Variants in TRIO observed in about 807,000 individuals in gnomAD.
The protein encoded by TRIO is trio Rho guanine nucleotide exchange factor.
A neutral mutation model predicts 351.9 loss-of-function variants in TRIO; 58 were observed. The observed-to-expected ratio is 0.16, with a 90% CI of 0.13 to 0.21. TRIO has a LOEUF of 0.21. Among genes scored for constraint, TRIO ranks in the 10% least tolerant of loss-of-function variants. The pLI is 1.00. For missense variants in TRIO, 3,201 were observed against 4,027.8 expected (o/e 0.79, Z 5.56); for synonymous variants, 1,758 against 1,595.7 (o/e 1.10, Z -2.42).
chr5:14,277,509 T>G (rs144522898), intron 2 of TRIO, among the ~76,000 whole-genome samples: 2 of 152,298 alleles, frequency 1.3e-5, no homozygotes, highest in African/African-American at 4.8e-5. Flanking sequence ...TGATTTCCTA[T>G]CTATAAAATG....
intron 1 of TRIO, among the ~76,000 whole-genome samples, chr5:14,230,120 C>CAAATATATGG (rs1372594596): frequency 6.6e-6 from 1 of 152,164 alleles, no homozygotes; most frequent in Admixed American, 6.5e-5. Context: ...ATATTATGAG[C>CAAATATATGG]CACTTTGCCA....
intron 46 of TRIO, among the ~76,000 whole-genome samples, chr5:14,483,989 A>C (rs1054708588): frequency 2.6e-5 from 4 of 151,700 alleles, no homozygotes; most frequent in African/African-American, 9.7e-5. Context: ...TGCAGCCATC[A>C]TCTGAACTAC....
chr5:14,210,702 C>A (rs1200970224), intron 1 of TRIO, among the ~76,000 whole-genome samples: 1 of 152,062 alleles, frequency 6.6e-6, no homozygotes, highest in Non-Finnish European at 1.5e-5. Flanking sequence ...TCATAGATAT[C>A]ACCCTTATTT....
chr5:14,254,889 C>T (rs1280419791), intron 1 of TRIO, among the ~76,000 whole-genome samples: 1 of 152,160 alleles, frequency 6.6e-6, no homozygotes, highest in East Asian at 1.9e-4. Context: ...TTGGCACTTA[C>T]TTGTAGGGAA....
chr5:14,433,749 T>C (rs1210404648), intron 34 of TRIO, among the ~76,000 whole-genome samples: 1 of 152,222 alleles, frequency 6.6e-6, no homozygotes, highest in Admixed American at 6.5e-5. Context: ...GAGGAAATTA[T>C]AATATTCCTA....
chr5:14,329,076 C>T (rs1286874982), intron 9 of TRIO, among the ~76,000 whole-genome samples: 1 of 152,224 alleles, frequency 6.6e-6, no homozygotes, highest in Non-Finnish European at 1.5e-5. Flanking sequence ...CTGATACTCA[C>T]CAGCTGCTGC....
intron 19 of TRIO, among the ~76,000 whole-genome samples, chr5:14,376,413 T>C (rs975235976): frequency 6.6e-6 from 1 of 152,218 alleles, no homozygotes; most frequent in African/African-American, 2.4e-5. Flanking sequence ...GTCAAGGCTT[T>C]TGTGCAACCT....
intron 11 of TRIO, among the ~76,000 whole-genome samples, chr5:14,339,186 G>A (rs2152321240): frequency 6.6e-6 from 1 of 151,738 alleles, no homozygotes; most frequent in Non-Finnish European, 1.5e-5. Flanking sequence ...GCAGTGAGCC[G>A]AGATCACACC....
chr5:14,229,200 G>T (rs1343763629), intron 1 of TRIO, among the ~76,000 whole-genome samples: 2 of 151,886 alleles, frequency 1.3e-5, no homozygotes, highest in East Asian at 3.8e-4. Flanking sequence ...CTAGAACAGG[G>T]TATGTCTGAT....
At chr5:14,277,417 A>T (rs1264397826) in intron 2 of TRIO, among the ~76,000 whole-genome samples, 1 of 152,270 alleles carries the variant, frequency 6.6e-6, no homozygotes, top group African/African-American at 2.4e-5. Flanking sequence ...GGTTACAGAC[A>T]TGAAAAGCTT....
intron 34 of TRIO, among the ~76,000 whole-genome samples, chr5:14,440,213 A>G (rs376111952): frequency 5.3e-5 from 8 of 152,264 alleles, no homozygotes; most frequent in Admixed American, 5.2e-4. Context: ...AACAAAGAAC[A>G]CTTCCTCAAA....
intron 1 of TRIO, among the ~76,000 whole-genome samples, chr5:14,170,508 CTTT>C (rs3994019): frequency 6.8e-4 from 91 of 133,716 alleles, no homozygotes; most frequent in Middle Eastern, 4.0e-3. Context: ...GCTTCTCTCT[CTTT>C]TTTTTTTTTT....
chr5:14,488,669 T>G (rs1034066648), intron 48 of TRIO: 2 of 538,702 alleles, frequency 3.7e-6, no homozygotes, highest in Admixed American at 3.1e-5. Context: ...ATCGCTTGGT[T>G]TTGCTCTTTT....
intron 23 of TRIO, 176 bp downstream of exon 23, chr5:14,388,023 C>T (rs1190879727): frequency 1.7e-6 from 1 of 600,936 alleles, no homozygotes; most frequent in Non-Finnish European, 2.9e-6. Context: ...CCTCTTATCA[C>T]CTGGTTCAGA....
In TRIO at chr5:14,416,362, A is replaced by G. The variant is rs191049653; in HGVS notation, c.4960-3416A>G. The stretch of plus-strand genomic sequence containing the variant: ...TGCAGCAAGAAGTTAAAAATATTCA[A>G]ATGTGAGCATTGAGGTGCATCCCCA... On this transcript the variant is annotated intron_variant, in intron 33 of 56. Coordinates refer to ENST00000344204, the MANE Select transcript of TRIO (RefSeq NM_007118.4). 1.5e-3 allele frequency among the ~76,000 whole-genome samples: 222 copies of G among 152,148 alleles called. 1 individual carries two copies. The highest frequency in any genetic ancestry group is 5.0e-3 in the African/African-American group (208 of 41,490).
intron 16 of TRIO, among the ~76,000 whole-genome samples, chr5:14,368,379 A>G (rs10079431): frequency 1.3e-3 from 203 of 152,314 alleles, no homozygotes; most frequent in African/African-American, 4.5e-3. Flanking sequence ...CAGGAATAAT[A>G]AACTTGGAAC....
At chr5:14,507,030 G>A in intron 55 of TRIO, 92 bp from the exon 56 acceptor site, 1 of 1,448,266 alleles carries the variant, frequency 6.9e-7, no homozygotes, top group Non-Finnish European at 9.1e-7. Flanking sequence ...ATTCATAACA[G>A]GTGACAGGTC....
At chr5:14,273,320 A>G (rs114208297) in intron 2 of TRIO, among the ~76,000 whole-genome samples, 4 of 152,364 alleles carry the variant, frequency 2.6e-5, no homozygotes, top group African/African-American at 9.6e-5. Context: ...AAACCCCGTG[A>G]TAATTTCTTG....
At chr5:14,437,695 G>C (rs165489) in intron 34 of TRIO, among the ~76,000 whole-genome samples, 24,516 of 97,658 alleles carry the variant, frequency 0.25, 3,922 homozygotes, top group African/African-American at 0.5. Context: ...CACCCCCCCC[G>C]CCCCAAGGAC....
Sources: gnomAD v4.1 joint callset for allele counts (sites outside exome capture counted in the v4.1 genomes callset) on GRCh38, gnomAD v4.1.1 for gene constraint, MANE v1.5 for transcripts, NCBI Gene and HGNC (gene_info 2026-07-23, HGNC 2026-07-21) for gene names.